AP3S2: variants seen among roughly 807,000 people sequenced by gnomAD.
AP3S2 encodes the protein AP-3 complex subunit sigma-2.
A neutral mutation model predicts 23.4 loss-of-function variants in AP3S2; 22 were observed. That is an observed-to-expected ratio of 0.94 (90% CI 0.67 to 1.34). AP3S2 has a LOEUF of 1.34. Among genes scored for constraint, AP3S2 ranks in the 40% most tolerant of loss-of-function variants. The pLI is 0.00. For missense variants in AP3S2, 241 were observed against 236.9 expected (o/e 1.02, Z -0.11); for synonymous variants, 86 against 87.1 (o/e 0.99, Z 0.07).
chr15:89,890,951 T>A (rs1186168680), intron 1 of AP3S2, among the ~76,000 whole-genome samples: 2 of 152,234 alleles, frequency 1.3e-5, no homozygotes, highest in Non-Finnish European at 2.9e-5. Context: ...TTTCCTCATT[T>A]CCATTTAAAG....
At chr15:89,876,112 T>C (rs1185694181) in intron 3 of AP3S2, among the ~76,000 whole-genome samples, 1 of 152,098 alleles carries the variant, frequency 6.6e-6, no homozygotes, top group African/African-American at 2.4e-5. Flanking sequence ...GATCATGATC[T>C]AGAAGCAGGA....
chr15:89,837,820 A>C, intron 4 of AP3S2, 98 bp from the exon 5 acceptor site: 5 of 1,419,808 alleles, frequency 3.5e-6, no homozygotes, highest in Non-Finnish European at 4.9e-6. Flanking sequence ...GTGGTCAGAT[A>C]TGACCTGTCC....
chr15:89,868,029 A>T (rs1203103655), intron 4 of AP3S2, among the ~76,000 whole-genome samples: 34 of 130,244 alleles, frequency 2.6e-4, no homozygotes, highest in Admixed American at 2.5e-3. Flanking sequence ...CCCGTCCAGG[A>T]GGTGAGGGGC....
chr15:89,879,568 A>G (rs990956248), intron 3 of AP3S2, among the ~76,000 whole-genome samples: 2 of 152,228 alleles, frequency 1.3e-5, no homozygotes, highest in Non-Finnish European at 2.9e-5. Context: ...GATGAAAAAG[A>G]AAGTTTTAGA....
intron 3 of AP3S2, among the ~76,000 whole-genome samples, chr15:89,879,909 T>C (rs1348072292): frequency 6.6e-6 from 1 of 151,814 alleles, no homozygotes; most frequent in Non-Finnish European, 1.5e-5. Flanking sequence ...GACTCCAAAT[T>C]ATATAACAAA....
In AP3S2 at chr15:89,835,277, C is replaced by A; in HGVS notation, c.*238G>T. 1.6e-6 allele frequency: 1 copy of A among 610,892 alleles called. No homozygotes were observed. Among genetic ancestry groups the A allele is most frequent in the East Asian group, 2.9e-5 (1 of 34,018 alleles). 37.8% of individuals were successfully genotyped at this position (610,892 alleles called of 1,614,324 possible). ...AGGAAGGCAGGGCCCCTCACATCTG[C>A]AGTGGCCGTATGCATCAGAGAACGG... On this transcript the variant is annotated 3_prime_UTR_variant, in exon 6 of 6. Coordinates refer to ENST00000336418, the MANE Select transcript of AP3S2 (RefSeq NM_005829.5).
At chr15:89,858,521 GAGAGAAAGAAAGAAAGAAAGAA>G (rs1895916391) in intron 4 of AP3S2, among the ~76,000 whole-genome samples, 5 of 50,198 alleles carry the variant, frequency 1.0e-4, no homozygotes, top group African/African-American at 2.8e-4. Flanking sequence ...GAGAGAGAGA[GAGAGAAAGAAAGAAAGAAAGAA>G]AGAAAGAAAG....
chr15:89,847,660 C>T (rs559260001), intron 4 of AP3S2, among the ~76,000 whole-genome samples: 1 of 152,238 alleles, frequency 6.6e-6, no homozygotes, highest in East Asian at 1.9e-4. Context: ...CACTTAAAAA[C>T]AGACTGATCT....
chr15:89,836,738 C>A (rs1895201438), intron 5 of AP3S2, among the ~76,000 whole-genome samples: 2 of 152,164 alleles, frequency 1.3e-5, no homozygotes, highest in South Asian at 4.1e-4. Flanking sequence ...CATTTCCAAC[C>A]CCCTTGCCTC....
intron 3 of AP3S2, among the ~76,000 whole-genome samples, chr15:89,881,675 G>T (rs1421617928): frequency 6.6e-6 from 1 of 152,136 alleles, no homozygotes. Flanking sequence ...AAACCCACAC[G>T]TGGAAAAAGG....
At chr15:89,884,552 C>G (rs1253132594) in intron 3 of AP3S2, among the ~76,000 whole-genome samples, 1 of 152,026 alleles carries the variant, frequency 6.6e-6, no homozygotes, top group East Asian at 1.9e-4. Context: ...AAAGGCAGGT[C>G]TCACAATCCC....
rs141520060 is a variant in AP3S2 at position 89,833,825 on chromosome 15, G to A, written c.*1690C>T. On this transcript the variant is annotated 3_prime_UTR_variant, in exon 6 of 6. Coordinates refer to ENST00000336418, the MANE Select transcript of AP3S2 (RefSeq NM_005829.5). ...TTGAGCAGTGGGCACAAACCACAGGGAGCGCTGTTCAAAAATGGAAAACAA... is the reference window on the plus strand; with the variant it reads ...TTGAGCAGTGGGCACAAACCACAGGAAGCGCTGTTCAAAAATGGAAAACAA... The A allele has an allele frequency of 0.014, 2,175 of 152,352 alleles. 31 individuals carry two copies. The highest frequency in any genetic ancestry group is 0.024 in the Middle Eastern group (7 of 294). The allele number at this position is 152,352 out of a possible 1,614,324, so 9.4% of individuals were successfully genotyped here.
chr15:89,836,646 T>A (rs1596184065), intron 5 of AP3S2, among the ~76,000 whole-genome samples: 1 of 152,164 alleles, frequency 6.6e-6, no homozygotes, highest in African/African-American at 2.4e-5. Context: ...GAAAACTCTC[T>A]CACAATCATT....
chr15:89,889,725 G>A (rs1209770243), intron 1 of AP3S2, among the ~76,000 whole-genome samples: 4 of 151,792 alleles, frequency 2.6e-5, no homozygotes, highest in South Asian at 2.1e-4. Context: ...TTAGCTGGGC[G>A]TGGTGGCGCA....
At position 89,837,912 on chromosome 15, in the gene AP3S2, C is replaced by G. The variant is rs563532301; in HGVS notation, c.346-190G>C. ...TCCCAGGTCTTGGCACATGGCAACA[C>G]GAATCTCTCCCCTCAGCAGCGAGGT... On this transcript the variant is annotated intron_variant, in intron 4 of 5. Transcript: ENST00000336418. The G allele has an allele frequency of 2.5e-5, 14 of 555,684 alleles. No individual in the cohort carries two copies. In the East Asian group the frequency reaches 4.3e-4, roughly 17 times the overall value. The allele number at this position is 555,684 out of a possible 1,614,324, so 34.4% of individuals were successfully genotyped here.
chr15:89,864,537 C>T (rs957835831), intron 4 of AP3S2, among the ~76,000 whole-genome samples: 8 of 152,042 alleles, frequency 5.3e-5, no homozygotes, highest in African/African-American at 1.7e-4. Context: ...ACTGTCACTA[C>T]TTCTATTCAA....
At chr15:89,868,919 G>A (rs1275510972) in intron 4 of AP3S2, among the ~76,000 whole-genome samples, 82 of 145,398 alleles carry the variant, frequency 5.6e-4, no homozygotes, top group Non-Finnish European at 1.1e-3. Flanking sequence ...CCCTCTGCCC[G>A]GCCAGCCGCC....
Position 89,835,604 on chromosome 15 carries a change from C to A in AP3S2, c.493G>T (p.Val165Leu). Residue 165 changes from valine to leucine, a missense_variant, in exon 6 of 6, where the codon GTG becomes TTG. Physicochemically the swap from Val to Leu is conservative, Grantham distance 32. Transcript: ENST00000336418. ...SAAPARAVSA[V>L]KNINLPEIPR... Reference sequence around the variant, plus strand: ...ATCTCTGGCAGGTTGATGTTTTTCACAGCAGACACAGCCCGCGCAGGGGCT... The same window carrying A: ...ATCTCTGGCAGGTTGATGTTTTTCAAAGCAGACACAGCCCGCGCAGGGGCT... 1.2e-6 allele frequency: 2 copies of A among 1,611,128 alleles called. No individual in the cohort carries two copies. The highest frequency in any genetic ancestry group is 2.2e-5 in the East Asian group (1 of 44,720).
chr15:89,890,599 G>C (rs1209569454), intron 1 of AP3S2, among the ~76,000 whole-genome samples: 1 of 152,160 alleles, frequency 6.6e-6, no homozygotes, highest in Non-Finnish European at 1.5e-5. Context: ...GCAGGTATAG[G>C]TTAAGTCCTG....
Sources: allele counts gnomAD v4.1 joint callset (sites outside exome capture counted in the v4.1 genomes callset), GRCh38; gene constraint gnomAD v4.1.1; transcripts MANE v1.5; gene names NCBI Gene and HGNC (gene_info 2026-07-23, HGNC 2026-07-21).